ACYP2: variants seen among roughly 807,000 people sequenced by gnomAD.
ACYP2 encodes acylphosphatase 2.
Under a neutral mutation model 11.2 loss-of-function variants are expected in ACYP2, and 12 were observed. The observed-to-expected ratio is 1.08, with a 90% CI of 0.69 to 1.74. The LOEUF (loss-of-function observed/expected upper bound fraction) is 1.74, where lower values mean the gene tolerates loss of function less well. Among genes scored for constraint, ACYP2 ranks in the 40% most tolerant of loss-of-function variants. ACYP2 has a pLI of 0.00. For synonymous variants in ACYP2, 43 were observed against 32.2 expected (o/e 1.33, Z -1.13); for missense variants, 134 against 101.9 (o/e 1.31, Z -1.35).
chr2:54,167,990 T>C (rs1683067330), intron 6 of ACYP2, among the ~76,000 whole-genome samples: 1 of 152,222 alleles, frequency 6.6e-6, no homozygotes. Context: ...CAGAGCCTCA[T>C]TCCATCCCAT....
At chr2:54,255,850 G>T in intron 6 of ACYP2, 1 of 1,613,986 alleles carries the variant, frequency 6.2e-7, no homozygotes, top group Non-Finnish European at 8.5e-7. Flanking sequence ...CGAGGCAGAG[G>T]CCGCTTCTAG....
intron 6 of ACYP2, among the ~76,000 whole-genome samples, chr2:54,299,571 G>A (rs111856150): frequency 4.9e-5 from 7 of 141,648 alleles, no homozygotes; most frequent in Admixed American, 1.5e-4. Flanking sequence ...CAGCCTGGGC[G>A]ACAGAGCGAG....
chr2:54,121,026 T>G (rs1385840312), intron 4 of ACYP2, among the ~76,000 whole-genome samples: 1 of 152,096 alleles, frequency 6.6e-6, no homozygotes, highest in East Asian at 1.9e-4. Context: ...CACACAATGG[T>G]TTTTTCACTC....
chr2:54,069,567 C>A (rs569069987), intron 4 of ACYP2, among the ~76,000 whole-genome samples: 6 of 152,200 alleles, frequency 3.9e-5, no homozygotes, highest in Non-Finnish European at 8.8e-5. Flanking sequence ...GAGGCTGAGG[C>A]AGGAGGATGG....
chr2:54,193,306 T>C (rs1380798280), intron 6 of ACYP2, among the ~76,000 whole-genome samples: 2 of 152,224 alleles, frequency 1.3e-5, no homozygotes, highest in African/African-American at 4.8e-5. Context: ...CATTAATATC[T>C]TTATTATCTC....
chr2:54,219,940 C>T lies in ACYP2; in HGVS notation c.404+81192C>T, dbSNP rs1685733623. Among the ~76,000 whole-genome samples the T allele has an allele frequency of 7.3e-5, 9 of 123,512 alleles. No homozygotes were observed. In the South Asian group the frequency reaches 2.2e-3, roughly 31 times the overall value. 81.0% of individuals were successfully genotyped at this position (123,512 alleles called of 152,430 possible). A position where few individuals can be genotyped will look rare whatever the true frequency, so the allele number is the denominator to read the frequency against. ...TTTTTTTAGTAGAGATGGGTTTTTG[C>T]CATGTTGGGCAGGCTGGTCTCCAAC... On this transcript the variant is annotated intron_variant, in intron 6 of 6. Coordinates refer to ENST00000607452, the MANE Select transcript of ACYP2 (RefSeq NM_001320586.2).
At chr2:54,097,867 TCTTTC>T in intron 4 of ACYP2, among the ~76,000 whole-genome samples, 1 of 100,944 alleles carries the variant, frequency 9.9e-6, no homozygotes, top group East Asian at 4.0e-4. Flanking sequence ...TCTTTCTTTC[TCTTTC>T]TCTCTCTCTC....
chr2:54,172,844 G>C (rs193178414), intron 6 of ACYP2, among the ~76,000 whole-genome samples: 113 of 152,206 alleles, frequency 7.4e-4, no homozygotes, highest in African/African-American at 2.7e-3. Context: ...ATGTTTCCCA[G>C]CTTCATCCAT....
chr2:54,227,059 A>G (rs1451903982), intron 6 of ACYP2, among the ~76,000 whole-genome samples: 1 of 152,180 alleles, frequency 6.6e-6, no homozygotes, highest in Non-Finnish European at 1.5e-5. Flanking sequence ...TCTGCAAGCC[A>G]TTGGGTACAA....
At chr2:54,110,426 G>A (rs1437633672) in intron 4 of ACYP2, among the ~76,000 whole-genome samples, 1 of 152,140 alleles carries the variant, frequency 6.6e-6, no homozygotes, top group African/African-American at 2.4e-5. Context: ...TACATTCAAA[G>A]TTCCCCAATG....
chr2:53,984,184 AG>A (rs1317422169), intron 2 of ACYP2, among the ~76,000 whole-genome samples: 4 of 152,202 alleles, frequency 2.6e-5, no homozygotes, highest in African/African-American at 9.6e-5. Flanking sequence ...TAAATGCCTT[AG>A]TAGCTAGCAA....
intron 6 of ACYP2, among the ~76,000 whole-genome samples, chr2:54,203,958 A>G (rs1379324496): frequency 6.6e-6 from 1 of 152,138 alleles, no homozygotes; most frequent in African/African-American, 2.4e-5. Context: ...CAAATTCATA[A>G]ACTGTCTTAA....
chr2:54,078,828 C>A (rs895528495), intron 4 of ACYP2, among the ~76,000 whole-genome samples: 13 of 152,028 alleles, frequency 8.6e-5, no homozygotes, highest in Admixed American at 8.5e-4. Flanking sequence ...GAACTCCTGA[C>A]CTCAAGTGAT....
intron 2 of ACYP2, among the ~76,000 whole-genome samples, chr2:54,046,811 A>G (rs138194166): frequency 4.1e-4 from 63 of 152,326 alleles, no homozygotes; most frequent in African/African-American, 1.4e-3. Context: ...ACACACTTTC[A>G]TTTTGCAATG....
intron 6 of ACYP2, among the ~76,000 whole-genome samples, chr2:54,244,505 T>C (rs1686866938): frequency 6.6e-6 from 1 of 152,106 alleles, no homozygotes; most frequent in Non-Finnish European, 1.5e-5. Context: ...GGGATTACAG[T>C]GGCATGAGCC....
intron 6 of ACYP2, among the ~76,000 whole-genome samples, chr2:54,158,229 AC>A (rs1164718470): frequency 6.7e-6 from 1 of 148,218 alleles, no homozygotes; most frequent in Non-Finnish European, 1.5e-5. Context: ...TTTAGTAGAG[AC>A]AAGGTTTCAC....
chr2:54,152,373 C>T (rs1004919847), intron 6 of ACYP2, among the ~76,000 whole-genome samples: 3 of 152,088 alleles, frequency 2.0e-5, no homozygotes, highest in East Asian at 3.9e-4. Context: ...GTCTTCTCAC[C>T]TCAGCTTCCC....
chr2:54,026,608 T>G (rs1300836411), intron 2 of ACYP2, among the ~76,000 whole-genome samples: 2 of 152,166 alleles, frequency 1.3e-5, no homozygotes, highest in African/African-American at 4.8e-5. Flanking sequence ...CACTTGCACA[T>G]GCTTGTTTAT....
intron 4 of ACYP2, among the ~76,000 whole-genome samples, chr2:54,091,962 G>A (rs961845100): frequency 2.0e-5 from 3 of 152,142 alleles, no homozygotes; most frequent in Admixed American, 6.6e-5. Context: ...TGTGAGAAAG[G>A]AGGGGTGCCC....
Sources: allele counts gnomAD v4.1 joint callset (sites outside exome capture counted in the v4.1 genomes callset), GRCh38; gene constraint gnomAD v4.1.1; transcripts MANE v1.5; gene names NCBI Gene and HGNC (gene_info 2026-07-23, HGNC 2026-07-21).